The following MDH1B variants were observed in gnomAD, a reference collection of about 807,000 sequenced individuals.
MDH1B encodes the protein malate dehydrogenase 1B, also known as putative malate dehydrogenase 1B.
MDH1B carries 60 observed loss-of-function variants against 61.4 expected under a neutral mutation model. The ratio of observed to expected loss-of-function variants is 0.98; its 90% CI spans 0.79 to 1.21. The LOEUF (loss-of-function observed/expected upper bound fraction) is 1.21, where lower values mean the gene tolerates loss of function less well. Among genes scored for constraint, MDH1B ranks in the 50% most tolerant of loss-of-function variants. MDH1B has a pLI of 0.00. For synonymous variants in MDH1B, 236 were observed against 218.7 expected (o/e 1.08, Z -0.70); for missense variants, 587 against 632.1 (o/e 0.93, Z 0.76).
intron 10 of MDH1B, among the ~76,000 whole-genome samples, chr2:206,740,326 G>C (rs1687738057): frequency 1.3e-5 from 2 of 152,248 alleles, no homozygotes; most frequent in South Asian, 2.1e-4. Flanking sequence ...AAGTGAGCTA[G>C]AGAAAAGAAA....
chr2:206,738,791 T>C (rs918174876), intron 11 of MDH1B, among the ~76,000 whole-genome samples: 3 of 144,588 alleles, frequency 2.1e-5, no homozygotes, highest in Non-Finnish European at 3.0e-5. Context: ...TATGCAGCTA[T>C]GTTGTCAGCT....
intron 1 of MDH1B, among the ~76,000 whole-genome samples, chr2:206,764,760 T>C (rs1410486509): frequency 1.3e-5 from 2 of 152,196 alleles, no homozygotes. Flanking sequence ...CCTGCTCCTG[T>C]TGTAGCCCCA....
At position 206,760,939 on chromosome 2, in the gene MDH1B, G is replaced by A. The variant is rs200989115; in HGVS notation, c.97C>T (p.Arg33Trp). 61 of 1,612,406 alleles carry A rather than the reference G, an allele frequency of 3.8e-5. No homozygotes were observed. Among genetic ancestry groups the A allele is most frequent in the East Asian group, 6.7e-5 (3 of 44,802 alleles). Residue 33 changes from arginine to tryptophan, a missense_variant, in exon 2 of 12, where the codon CGG (arginine) becomes TGG (tryptophan). Arg to Trp is a moderately radical substitution (Grantham distance 101). Transcript: ENST00000374412. ...GGACGTTGTGTGATTTTATGTATCC[G>A]AAAATCAGGAAGATTCTTTTGTAAA... ...DYLQKNLPDF[R>W]IHKITQRPEV...
Position 206,753,515 on chromosome 2 carries a change from G to C in MDH1B, c.910+1494C>G, listed in dbSNP as rs576369020. ...CCTGACGAGCCAATACACATGGTCT[G>C]ATAAATAGTGATTTATGAACTGAAC... is the stretch of plus-strand genomic sequence containing the variant. On this transcript the variant is annotated intron_variant, in intron 5 of 11. Coordinates refer to ENST00000374412, the MANE Select transcript of MDH1B (RefSeq NM_001039845.3). Among the ~76,000 whole-genome samples the C allele has an allele frequency of 1.8e-4, 28 of 152,280 alleles. No individual in the cohort carries two copies. The South Asian group carries it at 3.1e-3, about 17-fold the overall frequency.
intron 1 of MDH1B, among the ~76,000 whole-genome samples, chr2:206,764,291 C>T (rs2105963498): frequency 7.1e-6 from 1 of 141,470 alleles, no homozygotes; most frequent in South Asian, 2.6e-4. Context: ...AAGTGAGAGC[C>T]TGTCTCAAAA....
chr2:206,742,906 A>G (rs10180125), intron 9 of MDH1B, among the ~76,000 whole-genome samples: 45,529 of 151,318 alleles, frequency 0.3, 7,742 homozygotes, highest in East Asian at 0.5. Flanking sequence ...TAGTAGAGAC[A>G]GGGTTTCACC....
intron 1 of MDH1B, among the ~76,000 whole-genome samples, chr2:206,762,456 G>A (rs1689155866): frequency 6.6e-6 from 1 of 151,976 alleles, no homozygotes; most frequent in Non-Finnish European, 1.5e-5. Flanking sequence ...ATCCTCATCT[G>A]CCTTCATAGG....
At chr2:206,765,103 A>T in intron 1 of MDH1B, 147 bp downstream of exon 1, 1 of 952,106 alleles carries the variant, frequency 1.1e-6, no homozygotes, top group Non-Finnish European at 1.5e-6. Flanking sequence ...TGCTTGGCGC[A>T]CCGTCACGGT....
intron 5 of MDH1B, among the ~76,000 whole-genome samples, chr2:206,751,607 T>C (rs1688451678): frequency 6.6e-6 from 1 of 152,180 alleles, no homozygotes; most frequent in Non-Finnish European, 1.5e-5. Flanking sequence ...AACAAATAGT[T>C]ATGAATTCTA....
intron 2 of MDH1B, among the ~76,000 whole-genome samples, chr2:206,759,824 AT>A: frequency 6.6e-6 from 1 of 152,310 alleles, no homozygotes; most frequent in South Asian, 2.1e-4. Context: ...ACCAGACAAC[AT>A]TTATTGTAAC....
In MDH1B at chr2:206,746,443, C is replaced by A; in HGVS notation, c.1217-17G>T. 1 of 1,596,684 alleles carries A rather than the reference C, an allele frequency of 6.3e-7. No individual in the cohort carries two copies. Among genetic ancestry groups the A allele is most frequent in the Non-Finnish European group, 8.5e-7 (1 of 1,173,722 alleles). On this transcript the variant is annotated splice_polypyrimidine_tract_variant and intron_variant, in intron 7 of 11. Transcript: ENST00000374412. ...CAAACTGGCCTGCAGTGAGCAAACA[C>A]AAAGCAAAGCAATGCAGCAGAACTT...
intron 9 of MDH1B, 125 bp from the exon 10 acceptor site, chr2:206,741,229 AT>A: frequency 8.0e-7 from 1 of 1,257,824 alleles, no homozygotes. Flanking sequence ...TAAAAGACAC[AT>A]TTTACATTAT....
At chr2:206,760,794 A>G (rs1455544287) in intron 2 of MDH1B, 107 bp downstream of exon 2, 1 of 638,648 alleles carries the variant, frequency 1.6e-6, no homozygotes, top group African/African-American at 1.8e-5. Flanking sequence ...TCACTAGCAC[A>G]TGAACAGTCA....
At chr2:206,753,196 C>T (rs1688551778) in intron 5 of MDH1B, among the ~76,000 whole-genome samples, 1 of 152,112 alleles carries the variant, frequency 6.6e-6, no homozygotes, top group Non-Finnish European at 1.5e-5. Flanking sequence ...CTGGCACCAC[C>T]GTTTGAGCCC....
chr2:206,761,929 A>G (rs762236966), intron 1 of MDH1B, among the ~76,000 whole-genome samples: 1 of 152,144 alleles, frequency 6.6e-6, no homozygotes, highest in Non-Finnish European at 1.5e-5. Flanking sequence ...CCATGTCTTA[A>G]ATTATCTTTC....
chr2:206,739,713 T>C (rs937253775), intron 10 of MDH1B, 52 bp from the exon 11 acceptor site: 8 of 1,536,674 alleles, frequency 5.2e-6, no homozygotes, highest in Admixed American at 5.2e-5. Context: ...GCAATAATTT[T>C]TGCAGTTATT....
intron 9 of MDH1B, chr2:206,745,291 T>C (rs543370026): frequency 1.8e-4 from 83 of 467,050 alleles, no homozygotes; most frequent in Non-Finnish European, 2.9e-4. Context: ...CATCAGGTCT[T>C]CTAGTCTCCT....
chr2:206,756,425 A>G (rs538563348), intron 4 of MDH1B, among the ~76,000 whole-genome samples: 1 of 152,258 alleles, frequency 6.6e-6, no homozygotes, highest in Admixed American at 6.5e-5. Flanking sequence ...GTGCAGAGAA[A>G]GAAAGAGAGA....
At position 206,753,222 on chromosome 2, in the gene MDH1B, T is replaced by C. The variant is rs187354212; in HGVS notation, c.910+1787A>G. On this transcript the variant is annotated intron_variant, in intron 5 of 11. Coordinates refer to ENST00000374412, the MANE Select transcript of MDH1B (RefSeq NM_001039845.3). ...GTTTGAGCCCCAGCATCCAGCTATG[T>C]CTGAAATAAGAACTACCTCCTGTGT... Among the ~76,000 whole-genome samples the C allele has an allele frequency of 3.3e-5, 5 of 152,278 alleles. No homozygotes were observed. In the South Asian group the frequency reaches 6.2e-4, roughly 19 times the overall value.
Sources: allele counts gnomAD v4.1 joint callset (sites outside exome capture counted in the v4.1 genomes callset), GRCh38; gene constraint gnomAD v4.1.1; transcripts MANE v1.5; gene names NCBI Gene and HGNC (gene_info 2026-07-23, HGNC 2026-07-21).